The following CSMD3 variants were observed in gnomAD, a reference collection of about 807,000 sequenced individuals.
CSMD3 encodes CUB and sushi domain-containing protein 3.
Under a neutral mutation model 435.2 loss-of-function variants are expected in CSMD3, and 177 were observed. That is an observed-to-expected ratio of 0.41 (90% CI 0.36 to 0.46). The LOEUF (loss-of-function observed/expected upper bound fraction) is 0.46, where lower values mean the gene tolerates loss of function less well. CSMD3 is among the 20% of genes least tolerant of loss of function. The pLI is 0.34. For missense variants in CSMD3, 4,265 were observed against 4,504.6 expected, an observed-to-expected ratio of 0.95 and a Z score of 1.52; for synonymous variants, 1,656 against 1,520.5, an observed-to-expected ratio of 1.09 and a Z score of -2.07.
intron 28 of CSMD3, among the ~76,000 whole-genome samples, chr8:112,513,050 G>C (rs1823295800): frequency 6.6e-6 from 1 of 152,134 alleles, no homozygotes; most frequent in Admixed American, 6.5e-5. Flanking sequence ...TTAGGTTTTG[G>C]CTTATGGGAA....
intron 58 of CSMD3, 119 bp from the exon 59 acceptor site, chr8:112,281,469 A>G: frequency 1.3e-6 from 1 of 790,884 alleles, no homozygotes; most frequent in Non-Finnish European, 2.1e-6. Flanking sequence ...AACTTCTAAA[A>G]TAAGTAGTAA....
rs1486614262 is a variant in CSMD3, at chr8:112,829,701, C to T, written c.1844G>A (p.Arg615Lys). 3 of 1,606,360 alleles carry T rather than the reference C, an allele frequency of 1.9e-6. No individual in the cohort carries two copies. Among genetic ancestry groups the T allele is most frequent in the East Asian group, 4.5e-5 (2 of 44,764 alleles). ...GGGAACTTACACTTGGAGCACTGTC[C>T]TAGGATCTCCAACTTCGCCCCCATC... Reference protein sequence around the residue: ...IGDGGEVGDPRTVLQVLTGSF... With the variant: ...IGDGGEVGDPKTVLQVLTGSF... The change falls in exon 12 of 71, where the codon AGG (arginine) becomes AAG (lysine). Residue 615 changes from arginine to lysine, a missense_variant. By Grantham distance (26) the Arg-to-Lys change is conservative. This residue lies in a region of CSMD3 where 731 missense variants were observed against 755.4 expected (regional missense o/e 0.97). Transcript: ENST00000297405.
At chr8:113,325,249 GAA>G (rs2093976155) in intron 1 of CSMD3, among the ~76,000 whole-genome samples, 1 of 152,054 alleles carries the variant, frequency 6.6e-6, no homozygotes, top group South Asian at 2.1e-4. Flanking sequence ...GCCAGGGGCA[GAA>G]AAATATGATT....
At chr8:112,800,894 T>C (rs996334564) in intron 12 of CSMD3, among the ~76,000 whole-genome samples, 2 of 152,064 alleles carry the variant, frequency 1.3e-5, no homozygotes, top group African/African-American at 4.8e-5. Flanking sequence ...ATGCACAGTT[T>C]TGTAACCATA....
At chr8:113,246,432 A>T (rs569845982) in intron 3 of CSMD3, among the ~76,000 whole-genome samples, 2 of 151,968 alleles carry the variant, frequency 1.3e-5, no homozygotes, top group Non-Finnish European at 2.9e-5. Flanking sequence ...TTTTAAATGT[A>T]TATCTTTTTA....
At chr8:112,315,806 C>T (rs936732414) in intron 47 of CSMD3, among the ~76,000 whole-genome samples, 2 of 151,716 alleles carry the variant, frequency 1.3e-5, no homozygotes, top group Admixed American at 1.3e-4. Context: ...TCTACTATAC[C>T]TTAGCTTTCA....
intron 27 of CSMD3, among the ~76,000 whole-genome samples, chr8:112,544,048 G>GT (rs1288397114): frequency 1.3e-5 from 2 of 152,032 alleles, no homozygotes; most frequent in South Asian, 4.1e-4. Context: ...GCCTGAAATG[G>GT]TTTTTTCCAG....
At chr8:113,147,140 G>T (rs568819157) in intron 4 of CSMD3, among the ~76,000 whole-genome samples, 4 of 151,544 alleles carry the variant, frequency 2.6e-5, no homozygotes, top group South Asian at 2.1e-4. Flanking sequence ...ATAAACTAAG[G>T]TTTGCATATG....
intron 5 of CSMD3, among the ~76,000 whole-genome samples, chr8:113,087,347 G>C (rs2089828874): frequency 6.6e-6 from 1 of 151,412 alleles, no homozygotes; most frequent in South Asian, 2.1e-4. Context: ...CACAGAATTG[G>C]AAAAAACTAC....
intron 1 of CSMD3, among the ~76,000 whole-genome samples, chr8:113,374,998 A>G (rs999874188): frequency 3.3e-5 from 5 of 152,108 alleles, no homozygotes; most frequent in African/African-American, 1.2e-4. Context: ...CATATAAAAC[A>G]ACTTTTTATT....
At chr8:113,212,067 A>G (rs1209751376) in intron 3 of CSMD3, among the ~76,000 whole-genome samples, 1 of 152,188 alleles carries the variant, frequency 6.6e-6, no homozygotes, top group South Asian at 2.1e-4. Flanking sequence ...AGGCATTTAT[A>G]CCTTTGTATA....
intron 9 of CSMD3, among the ~76,000 whole-genome samples, chr8:112,937,173 G>A (rs1445005985): frequency 6.6e-6 from 1 of 151,992 alleles, no homozygotes. Context: ...AACATAGCTG[G>A]AGGAGATTTC....
At chr8:112,905,352 A>G (rs2130481567) in intron 10 of CSMD3, among the ~76,000 whole-genome samples, 1 of 150,992 alleles carries the variant, frequency 6.6e-6, no homozygotes, top group East Asian at 2.0e-4. Flanking sequence ...ATATATCAAA[A>G]GTCAATATGT....
At chr8:112,298,153 C>A (rs1000793151) in intron 53 of CSMD3, among the ~76,000 whole-genome samples, 11 of 150,396 alleles carry the variant, frequency 7.3e-5, no homozygotes, top group Admixed American at 1.3e-4. Flanking sequence ...TTTTTAGAAG[C>A]CAATTTTCCC....
chr8:112,857,980 C>T (rs1407025955), intron 11 of CSMD3, among the ~76,000 whole-genome samples: 1 of 151,428 alleles, frequency 6.6e-6, no homozygotes, highest in Non-Finnish European at 1.5e-5. Flanking sequence ...AGAAATTTAC[C>T]CAAGTTTATA....
chr8:112,897,561 A>G (rs939637060), intron 10 of CSMD3, among the ~76,000 whole-genome samples: 1 of 151,316 alleles, frequency 6.6e-6, no homozygotes, highest in African/African-American at 2.4e-5. Flanking sequence ...TGGGCAATAT[A>G]GTAAATAATC....
chr8:112,311,261 T>A, intron 49 of CSMD3, 95 bp from the exon 50 acceptor site: 1 of 955,322 alleles, frequency 1.0e-6, no homozygotes, highest in Non-Finnish European at 1.7e-6. Context: ...TGCTTAAAAG[T>A]AGGTCAGTGG....
intron 13 of CSMD3, among the ~76,000 whole-genome samples, chr8:112,794,237 C>A (rs188453464): frequency 6.3e-5 from 9 of 143,306 alleles, no homozygotes; most frequent in Admixed American, 3.5e-4. Flanking sequence ...AAAATATTTT[C>A]TTTTACCCAG....
chr8:112,361,322 C>T (rs1398618637), intron 38 of CSMD3, among the ~76,000 whole-genome samples: 1 of 151,514 alleles, frequency 6.6e-6, no homozygotes, highest in Non-Finnish European at 1.5e-5. Flanking sequence ...CCAATCCATA[C>T]AAAAAATTGC....
Sources: gnomAD v4.1 joint callset for allele counts (sites outside exome capture counted in the v4.1 genomes callset) on GRCh38, gnomAD v4.1.1 for gene constraint, gnomAD v4.1.1 regional missense constraint, MANE v1.5 for transcripts, NCBI Gene and HGNC (gene_info 2026-07-23, HGNC 2026-07-21) for gene names.